The following PELI1 variants were observed in gnomAD, a reference collection of about 807,000 sequenced individuals.
The protein encoded by PELI1 is pellino E3 ubiquitin protein ligase 1.
In PELI1, 15 loss-of-function variants were observed where a neutral mutation model predicts 41.3. The ratio of observed to expected loss-of-function variants is 0.36; its 90% CI spans 0.24 to 0.56. The LOEUF is 0.56. Ranked by LOEUF, PELI1 falls within the 20% of genes least tolerant of loss-of-function variation. The probability of loss-of-function intolerance (pLI) is 0.82; values close to 1 mark genes in which losing one functional copy is unlikely to be tolerated. For synonymous variants in PELI1, 178 were observed against 180.1 expected (o/e 0.99, Z 0.09); for missense variants, 403 against 525.5 (o/e 0.77, Z 2.28).
At chr2:64,136,150 C>T (rs1195425252) in intron 1 of PELI1, among the ~76,000 whole-genome samples, 1 of 151,918 alleles carries the variant, frequency 6.6e-6, no homozygotes, top group Non-Finnish European at 1.5e-5. Context: ...TCAGTATGGT[C>T]ATCATCATAG....
chr2:64,139,822 G>A (rs1681838820), intron 1 of PELI1, among the ~76,000 whole-genome samples: 1 of 152,154 alleles, frequency 6.6e-6, no homozygotes. Flanking sequence ...TGCTAAGTTT[G>A]AACAAGGACT....
At chr2:64,131,197 A>T (rs1393777678) in intron 1 of PELI1, among the ~76,000 whole-genome samples, 1 of 151,718 alleles carries the variant, frequency 6.6e-6, no homozygotes, top group Non-Finnish European at 1.5e-5. Context: ...TAAAGCTAAT[A>T]GGAAAATTAA....
In PELI1 at chr2:64,094,877, G is replaced by A. The variant is rs1387421792; in HGVS notation, c.1082C>T (p.Thr361Ile). Residue 361 changes from threonine (T) to isoleucine (I), a missense_variant, in exon 7 of 7, where the codon ACC becomes ATC. Transcript: ENST00000358912. The stretch of plus-strand genomic sequence containing the variant: ...ATGCCCACACGGGCTAAACGCATGG[G>A]TTGGAGGGCCGGCGTCCACATAAAA... Reference protein sequence around the residue: ...AGFYVDAGPPTHAFSPCGHVC... With the variant: ...AGFYVDAGPPIHAFSPCGHVC... The A allele has an allele frequency of 6.2e-7, 1 of 1,614,190 alleles. No individual in the cohort carries two copies. Among genetic ancestry groups the A allele is most frequent in the East Asian group, 2.2e-5 (1 of 44,886 alleles).
At chr2:64,118,221 T>C (rs1406734717) in intron 1 of PELI1, among the ~76,000 whole-genome samples, 2 of 152,190 alleles carry the variant, frequency 1.3e-5, no homozygotes, top group Non-Finnish European at 2.9e-5. Flanking sequence ...TTTCTATGAA[T>C]TCCCTCTTTA....
At position 64,095,044 on chromosome 2, in the gene PELI1, T is replaced by C. The variant is rs1196119873; in HGVS notation, c.915A>G (p.Pro305=). The change falls in exon 7 of 7, where the codon CCA becomes CCG. Residue 305 remains proline (P), a synonymous_variant. Transcript: ENST00000358912. ...CATGGCCGCAGTTTAGATATACCCA[T>C]GGTTGTTTTTCATCTACAACGTCTT... ...KRKDVVDEKQ[P]WVYLNCGHVH... is the part of the protein sequence containing the mutation. 3.1e-6 allele frequency: 5 copies of C among 1,613,972 alleles called. No individual in the cohort carries two copies. Among genetic ancestry groups the C allele is most frequent in the African/African-American group, 2.7e-5 (2 of 74,922 alleles).
At chr2:64,095,736 C>G (rs140399967) in intron 6 of PELI1, among the ~76,000 whole-genome samples, 2,674 of 152,290 alleles carry the variant, frequency 0.018, 40 homozygotes, top group Non-Finnish European at 0.03. Flanking sequence ...CTCTGCCTGC[C>G]AGGTTCAAGC....
chr2:64,121,881 GACA>G (rs1681227381), intron 1 of PELI1, among the ~76,000 whole-genome samples: 1 of 141,592 alleles, frequency 7.1e-6, no homozygotes, highest in Non-Finnish European at 1.5e-5. Context: ...CTCCAGCCTG[GACA>G]ACAAGAGCAA....
In PELI1 at chr2:64,094,188, T is replaced by A. The variant is rs550792966; in HGVS notation, c.*514A>T. The A allele has an allele frequency of 4.6e-5, 7 of 152,946 alleles. 1 individual carries two copies. The highest frequency in any genetic ancestry group is 3.3e-4 in the Admixed American group (5 of 15,322). 9.5% of individuals were successfully genotyped at this position (152,946 alleles called of 1,614,324 possible). On this transcript the variant is annotated 3_prime_UTR_variant, in exon 7 of 7. Transcript: ENST00000358912. ...TTCCTAACTTTGCAAATCCTTGAGC[T>A]AGGTTGCTCACTAAGCTACCATTCA...
chr2:64,107,130 T>C (rs528063096), intron 2 of PELI1, among the ~76,000 whole-genome samples: 1 of 152,236 alleles, frequency 6.6e-6, no homozygotes, highest in Non-Finnish European at 1.5e-5. Context: ...GGTTTCACCA[T>C]GTTGGCCAGG....
intron 1 of PELI1, among the ~76,000 whole-genome samples, chr2:64,119,050 C>A (rs1239616533): frequency 3.3e-5 from 5 of 151,352 alleles, no homozygotes; most frequent in Non-Finnish European, 7.4e-5. Flanking sequence ...GCTTTCAGTT[C>A]TCTGTTAACC....
intron 4 of PELI1, 103 bp downstream of exon 4, chr2:64,100,295 C>T: frequency 4.6e-6 from 3 of 652,762 alleles, no homozygotes; most frequent in Non-Finnish European, 8.2e-6. Context: ...TAATAAAATA[C>T]AATATAAAAA....
intron 1 of PELI1, among the ~76,000 whole-genome samples, chr2:64,127,775 T>C (rs1032028332): frequency 1.6e-4 from 24 of 152,222 alleles, no homozygotes; most frequent in Non-Finnish European, 3.2e-4. Context: ...AAAATCTAGG[T>C]GGTTGTCTCA....
chr2:64,108,156 C>CAA, intron 2 of PELI1, 84 bp downstream of exon 2: 21 of 641,386 alleles, frequency 3.3e-5, no homozygotes, highest in South Asian at 5.9e-5. Context: ...ATATAAATTC[C>CAA]AAAAAAAAAA....
intron 3 of PELI1, among the ~76,000 whole-genome samples, chr2:64,103,904 T>G (rs1251622143): frequency 1.3e-5 from 2 of 152,234 alleles, no homozygotes; most frequent in Non-Finnish European, 2.9e-5. Context: ...CATTACAATA[T>G]TAAATTCTTT....
At chr2:64,143,502 G>A (rs1434920969) in intron 1 of PELI1, 1 of 152,050 alleles carries the variant, frequency 6.6e-6, no homozygotes, top group Non-Finnish European at 1.5e-5. Flanking sequence ...ACCCACTTAG[G>A]GAAACGGGCG....
intron 1 of PELI1, among the ~76,000 whole-genome samples, chr2:64,120,574 C>T (rs1186593488): frequency 2.6e-5 from 4 of 152,142 alleles, no homozygotes; most frequent in African/African-American, 7.2e-5. Flanking sequence ...TAAAAAGTTA[C>T]TAGTTATTAC....
intron 1 of PELI1, among the ~76,000 whole-genome samples, chr2:64,141,347 A>G (rs1233428630): frequency 4.6e-5 from 6 of 130,912 alleles, no homozygotes; most frequent in Non-Finnish European, 6.2e-5. Flanking sequence ...CAGTGCCATC[A>G]TATATTAGTC....
In PELI1 at chr2:64,104,736, T is replaced by G. The variant is rs773520528; in HGVS notation, c.166A>C (p.Thr56Pro). The G allele has an allele frequency of 6.2e-7, 1 of 1,612,506 alleles. No homozygotes were observed. Among genetic ancestry groups the G allele is most frequent in the Non-Finnish European group, 8.5e-7 (1 of 1,179,546 alleles). ...RPKANGVKPS[T>P]VHIACTPQAA... ...TGAGGAGTACAAGCAATATGCACAG[T>G]GCTGGGCTTCACCCCATTTGCCTTA... The change falls in exon 3 of 7, where the codon ACT becomes CCT. Residue 56 changes from threonine to proline, a missense_variant. Transcript: ENST00000358912.
In PELI1 at chr2:64,094,724, A is replaced by G; in HGVS notation, c.1235T>C (p.Ile412Thr). The G allele has an allele frequency of 6.2e-7, 1 of 1,613,868 alleles. No homozygotes were observed. Among genetic ancestry groups the G allele is most frequent in the Admixed American group, 1.7e-5 (1 of 60,026 alleles). ...LAGEQGYIRL[I>T]FQGPLD ...CTGTTAGTCTAGAGGTCCTTGAAAA[A>G]TAAGTCTGATGTAGCCTTGTTCACC... The change falls in exon 7 of 7, where the codon ATT becomes ACT. Residue 412 changes from isoleucine to threonine, a missense_variant. Transcript: ENST00000358912.
Sources: allele counts gnomAD v4.1 joint callset (sites outside exome capture counted in the v4.1 genomes callset), GRCh38; gene constraint gnomAD v4.1.1; transcripts MANE v1.5; gene names NCBI Gene and HGNC (gene_info 2026-07-23, HGNC 2026-07-21).